TBC1D8: variants seen among roughly 807,000 people sequenced by gnomAD.
TBC1D8 encodes the protein TBC1 domain family member 8.
In TBC1D8, 65 loss-of-function variants were observed where a neutral mutation model predicts 118.8. The observed-to-expected ratio is 0.55, with a 90% CI of 0.45 to 0.67. The LOEUF (loss-of-function observed/expected upper bound fraction) is 0.67, where lower values mean the gene tolerates loss of function less well. Among genes scored for constraint, TBC1D8 ranks in the 30% least tolerant of loss-of-function variants. TBC1D8 has a pLI of 0.00. For synonymous variants in TBC1D8, 566 were observed against 595.8 expected (o/e 0.95, Z 0.73); for missense variants, 1,376 against 1,471.2 (o/e 0.94, Z 1.06).
intron 1 of TBC1D8, among the ~76,000 whole-genome samples, chr2:101,106,566 C>A (rs1677230412): frequency 6.6e-6 from 1 of 152,208 alleles, no homozygotes; most frequent in Non-Finnish European, 1.5e-5. Flanking sequence ...ACTCCATGGG[C>A]CACAGGTTAA....
chr2:101,124,021 T>C (rs942881157), intron 1 of TBC1D8, among the ~76,000 whole-genome samples: 2 of 152,220 alleles, frequency 1.3e-5, no homozygotes, highest in African/African-American at 4.8e-5. Context: ...CCAGCCCCTG[T>C]TGTCCTGTCC....
Position 101,116,856 on chromosome 2 carries a change from G to A in TBC1D8, c.128-26492C>T, listed in dbSNP as rs181221766. 1.8e-3 allele frequency among the ~76,000 whole-genome samples: 267 copies of A among 152,138 alleles called. 3 individuals are homozygous for A. The highest frequency in any genetic ancestry group is 3.9e-3 in the East Asian group (20 of 5,168). ...GGAGTTTTGCCATGTTGGCTAGGCT[G>A]GTCTCGAACTCCTGGTCTCAAGTGA... is the stretch of plus-strand genomic sequence containing the variant. On this transcript the variant is annotated intron_variant, in intron 1 of 19. Coordinates refer to ENST00000409318, the MANE Select transcript of TBC1D8 (RefSeq NM_001330348.2).
At chr2:101,019,046 C>T (rs774073174) in intron 17 of TBC1D8, 8 of 1,610,504 alleles carry the variant, frequency 5.0e-6, no homozygotes, top group African/African-American at 1.3e-5. Flanking sequence ...TAAAGGGAGC[C>T]CTCCTGGAAG....
At chr2:101,103,560 T>G (rs1385426785) in intron 1 of TBC1D8, among the ~76,000 whole-genome samples, 1 of 151,726 alleles carries the variant, frequency 6.6e-6, no homozygotes, top group African/African-American at 2.4e-5. Context: ...CCCGGCTAAT[T>G]TTTTTGTATT....
At chr2:101,146,638 C>G (rs796681593) in intron 1 of TBC1D8, among the ~76,000 whole-genome samples, 10 of 152,224 alleles carry the variant, frequency 6.6e-5, no homozygotes, top group African/African-American at 2.4e-4. Context: ...TTTGATGTTT[C>G]AATACTCATA....
intron 1 of TBC1D8, among the ~76,000 whole-genome samples, chr2:101,123,159 C>T (rs1309568108): frequency 6.6e-6 from 1 of 152,062 alleles, no homozygotes; most frequent in Non-Finnish European, 1.5e-5. Context: ...ATCACTTGAG[C>T]CTAGGAATTC....
At chr2:101,018,945 G>A (rs957497288) in intron 17 of TBC1D8, 38 of 1,595,480 alleles carry the variant, frequency 2.4e-5, no homozygotes, top group South Asian at 1.0e-4. Context: ...AATGCTCTTC[G>A]TCTGTGTGTT....
intron 3 of TBC1D8, among the ~76,000 whole-genome samples, chr2:101,055,647 C>G (rs1419083515): frequency 2.0e-5 from 3 of 152,104 alleles, no homozygotes; most frequent in African/African-American, 7.2e-5. Context: ...GTAGAAGGGC[C>G]TAGAATTCAA....
In TBC1D8 at chr2:101,029,960, CT is replaced by C. The variant is rs1208209156; in HGVS notation, c.1937-185del. The C allele has an allele frequency of 1.1e-5, 6 of 564,246 alleles. No homozygotes were observed. The East Asian group carries it at 1.8e-4, about 17-fold the overall frequency. The allele number at this position is 564,246 out of a possible 1,614,324, so 35.0% of individuals were successfully genotyped here. ...GGTAATTCAATGGGTAAAAGATAGC[CT>C]TTTTAAAAAAAATACTGCTTGATCA... On this transcript the variant is annotated intron_variant, in intron 11 of 19. Coordinates refer to ENST00000409318, the MANE Select transcript of TBC1D8 (RefSeq NM_001330348.2).
intron 1 of TBC1D8, among the ~76,000 whole-genome samples, chr2:101,095,358 G>A (rs947682436): frequency 4.7e-5 from 7 of 149,612 alleles, no homozygotes; most frequent in Admixed American, 2.0e-4. Flanking sequence ...CCATTAACTC[G>A]TCATTTAGCA....
chr2:101,049,758 C>CA (rs1454521875), intron 5 of TBC1D8, among the ~76,000 whole-genome samples: 1 of 151,752 alleles, frequency 6.6e-6, no homozygotes, highest in Non-Finnish European at 1.5e-5. Context: ...AAAGAAAAGA[C>CA]AAAATGTCTT....
At chr2:101,036,256 C>G in intron 8 of TBC1D8, 88 bp from the exon 9 acceptor site, 2 of 1,494,390 alleles carry the variant, frequency 1.3e-6, no homozygotes. Flanking sequence ...GGAGGAAGTA[C>G]TGCCCCTGCT....
rs568514963 is a variant in TBC1D8, at chr2:101,118,777, A to G, written c.128-28413T>C. ...CCCAGCACTCTGGGAGGCCAAGGCC[A>G]TCAGATTGGCTTGAGTCCCCACGAG... On this transcript the variant is annotated intron_variant, in intron 1 of 19. Transcript: ENST00000409318. Among the ~76,000 whole-genome samples, 3 of 152,074 alleles carry G rather than the reference A, an allele frequency of 2.0e-5. No individual in the cohort carries two copies. In the South Asian group the frequency reaches 6.2e-4, roughly 32 times the overall value.
intron 17 of TBC1D8, among the ~76,000 whole-genome samples, chr2:101,020,610 C>A (rs1679974375): frequency 6.6e-6 from 1 of 152,194 alleles, no homozygotes; most frequent in Non-Finnish European, 1.5e-5. Context: ...AGAATGCTCA[C>A]TGGGGAGAGC....
chr2:101,095,854 C>A (rs1454284451), intron 1 of TBC1D8, among the ~76,000 whole-genome samples: 1 of 152,070 alleles, frequency 6.6e-6, no homozygotes, highest in Non-Finnish European at 1.5e-5. Context: ...TTTCTTGTCT[C>A]ATTAGGGATG....
At chr2:101,150,001 C>T (rs371636685) in intron 1 of TBC1D8, among the ~76,000 whole-genome samples, 109 of 152,346 alleles carry the variant, frequency 7.2e-4, no homozygotes, top group African/African-American at 2.5e-3. Context: ...CATGCAGCAA[C>T]CTGCCAACTC....
rs569978992 is a variant in TBC1D8, at chr2:101,133,584, A to T, written c.127+17543T>A. Among the ~76,000 whole-genome samples, 19 of 152,280 alleles carry T rather than the reference A, an allele frequency of 1.2e-4. No individual in the cohort carries two copies. In the South Asian group the frequency reaches 3.9e-3, roughly 32 times the overall value. On this transcript the variant is annotated intron_variant, in intron 1 of 19. Transcript: ENST00000409318. The stretch of plus-strand genomic sequence containing the variant: ...AGGGGGGTTCACAGATGGTGGCTTC[A>T]TGCTGTGTCTTCACAAGGTGGGTAG...
chr2:101,033,675 C>T lies in TBC1D8; in HGVS notation c.1687G>A (p.Glu563Lys), dbSNP rs777127877. ...CGGTGCAGGTCTCGTTCTATCTCCT[C>T]GGTTACCAGGCAGCATTTCCCCAGG... ...ESLGKCCLVT[E>K]EIERDLHRSL... The change falls in exon 10 of 20, where the codon GAG (glutamate) becomes AAG (lysine). Residue 563 changes from glutamate (E) to lysine (K), a missense_variant. Physicochemically the swap from Glu to Lys is moderately conservative, Grantham distance 56. Transcript: ENST00000409318. The T allele has an allele frequency of 9.3e-6, 15 of 1,613,810 alleles. No individual in the cohort carries two copies. Among genetic ancestry groups the T allele is most frequent in the Non-Finnish European group, 1.1e-5 (13 of 1,179,880 alleles).
chr2:101,111,433 G>A (rs1386473297), intron 1 of TBC1D8, among the ~76,000 whole-genome samples: 1 of 152,216 alleles, frequency 6.6e-6, no homozygotes, highest in Non-Finnish European at 1.5e-5. Flanking sequence ...GAACGAGCCT[G>A]CCGAATCCAC....
Sources: allele counts gnomAD v4.1 joint callset (sites outside exome capture counted in the v4.1 genomes callset), GRCh38; gene constraint gnomAD v4.1.1; transcripts MANE v1.5; gene names NCBI Gene and HGNC (gene_info 2026-07-23, HGNC 2026-07-21).